PLCL1: variants seen among roughly 807,000 people sequenced by gnomAD.
The protein encoded by PLCL1 is phospholipase C like 1 (inactive), also known as inactive phospholipase C-like protein 1.
A neutral mutation model predicts 84.4 loss-of-function variants in PLCL1; 41 were observed. The ratio of observed to expected loss-of-function variants is 0.49; its 90% CI spans 0.38 to 0.63. The LOEUF is 0.63. Ranked by LOEUF, PLCL1 falls within the 30% of genes least tolerant of loss-of-function variation. The pLI is 0.00. For missense variants in PLCL1, 1,206 were observed against 1,367.8 expected (o/e 0.88, Z 1.87); for synonymous variants, 490 against 488.3 (o/e 1.00, Z -0.05).
chr2:198,005,239 C>T (rs191916300), intron 1 of PLCL1, among the ~76,000 whole-genome samples: 57 of 152,354 alleles, frequency 3.7e-4, no homozygotes, highest in African/African-American at 1.2e-3. Context: ...GTGAGATATA[C>T]GCTTTATCTC....
At chr2:197,978,951 T>C (rs1246358633) in intron 1 of PLCL1, among the ~76,000 whole-genome samples, 1 of 152,220 alleles carries the variant, frequency 6.6e-6, no homozygotes, top group East Asian at 1.9e-4. Flanking sequence ...GGAATCGGTT[T>C]TTGTTCTCAT....
At chr2:197,991,180 A>G (rs1674408914) in intron 1 of PLCL1, among the ~76,000 whole-genome samples, 2 of 151,758 alleles carry the variant, frequency 1.3e-5, no homozygotes, top group South Asian at 2.1e-4. Flanking sequence ...GGAAAGAGAA[A>G]CTCACCCTTT....
chr2:197,844,557 G>A (rs748048562), intron 1 of PLCL1, among the ~76,000 whole-genome samples: 1 of 152,036 alleles, frequency 6.6e-6, no homozygotes, highest in African/African-American at 2.4e-5. Flanking sequence ...GAGAAACTGA[G>A]TATAAAATGT....
intron 1 of PLCL1, among the ~76,000 whole-genome samples, chr2:197,831,584 C>A (rs1443151208): frequency 1.3e-5 from 2 of 152,132 alleles, no homozygotes. Context: ...GACTTTAACA[C>A]CCCACTGTCC....
At chr2:198,039,910 T>A (rs1027778475) in intron 1 of PLCL1, among the ~76,000 whole-genome samples, 5 of 152,136 alleles carry the variant, frequency 3.3e-5, no homozygotes, top group Non-Finnish European at 7.3e-5. Flanking sequence ...AAAAGATAAT[T>A]GAAATGGAGA....
At chr2:198,138,303 A>G (rs1694305602) in intron 5 of PLCL1, among the ~76,000 whole-genome samples, 1 of 152,176 alleles carries the variant, frequency 6.6e-6, no homozygotes, top group Admixed American at 6.5e-5. Context: ...TGGTGGCAGG[A>G]AAGAGAAACA....
At chr2:197,816,078 T>C (rs1690680905) in intron 1 of PLCL1, among the ~76,000 whole-genome samples, 1 of 152,150 alleles carries the variant, frequency 6.6e-6, no homozygotes, top group African/African-American at 2.4e-5. Context: ...TCAAACAGCA[T>C]TGTATGCTAC....
chr2:197,874,727 A>G (rs35080174), intron 1 of PLCL1, among the ~76,000 whole-genome samples: 3,582 of 152,132 alleles, frequency 0.024, 82 homozygotes, highest in Non-Finnish European at 0.03. Flanking sequence ...TTCAATTTGC[A>G]TATGGTACAC....
chr2:197,882,991 G>A (rs1477724562), intron 1 of PLCL1, among the ~76,000 whole-genome samples: 1 of 152,110 alleles, frequency 6.6e-6, no homozygotes, highest in Non-Finnish European at 1.5e-5. Context: ...TTCAAAAACA[G>A]GTGAAATCAA....
At chr2:197,918,052 C>T (rs1688629539) in intron 1 of PLCL1, among the ~76,000 whole-genome samples, 1 of 152,142 alleles carries the variant, frequency 6.6e-6, no homozygotes, top group Admixed American at 6.5e-5. Context: ...CAAAAACTAG[C>T]CAGGTGAGCA....
chr2:197,867,534 A>C (rs1687573195), intron 1 of PLCL1, among the ~76,000 whole-genome samples: 1 of 152,126 alleles, frequency 6.6e-6, no homozygotes, highest in Non-Finnish European at 1.5e-5. Context: ...ATATTGATGA[A>C]ATAGACATAG....
intron 1 of PLCL1, among the ~76,000 whole-genome samples, chr2:197,957,999 T>C (rs1689525593): frequency 6.6e-6 from 1 of 152,148 alleles, no homozygotes; most frequent in Admixed American, 6.6e-5. Context: ...AGTTTATTTC[T>C]GGTTCTAAAT....
intron 1 of PLCL1, among the ~76,000 whole-genome samples, chr2:197,860,403 T>G (rs948366018): frequency 6.6e-6 from 1 of 152,188 alleles, no homozygotes; most frequent in Non-Finnish European, 1.5e-5. Flanking sequence ...AGTAATGGGA[T>G]TGGTGGGTCA....
intron 1 of PLCL1, among the ~76,000 whole-genome samples, chr2:197,927,215 G>A (rs1309399739): frequency 6.6e-6 from 1 of 152,176 alleles, no homozygotes; most frequent in African/African-American, 2.4e-5. Flanking sequence ...TATTGTCAGA[G>A]GGGTGTTAAA....
chr2:197,862,231 C>A (rs1189566157), intron 1 of PLCL1, among the ~76,000 whole-genome samples: 2 of 152,164 alleles, frequency 1.3e-5, no homozygotes, highest in African/African-American at 4.8e-5. Context: ...ATCTGCACTG[C>A]ATCTAAAAAC....
In PLCL1 at chr2:198,143,368, G is replaced by A. The variant is rs113548613; in HGVS notation, c.3106-3412G>A. The stretch of plus-strand genomic sequence containing the variant: ...TAATGCTCACTCACCCACTGCTCAC[G>A]TCCTGCTGTGCAGCCTGGTTTCTCA... On this transcript the variant is annotated intron_variant, in intron 5 of 5. Coordinates refer to ENST00000428675, the MANE Select transcript of PLCL1 (RefSeq NM_006226.4). 7.8e-3 allele frequency among the ~76,000 whole-genome samples: 1,192 copies of A among 152,262 alleles called. 13 individuals carry two copies. The highest frequency in any genetic ancestry group is 0.026 in the African/African-American group (1,091 of 41,544).
chr2:198,095,829 C>T (rs1384020371), intron 3 of PLCL1, among the ~76,000 whole-genome samples: 8 of 152,174 alleles, frequency 5.3e-5, no homozygotes, highest in African/African-American at 1.9e-4. Context: ...TAATGTTTTA[C>T]TCTAGTCACA....
intron 3 of PLCL1, among the ~76,000 whole-genome samples, chr2:198,094,623 C>A (rs555646894): frequency 6.6e-6 from 1 of 152,200 alleles, no homozygotes; most frequent in East Asian, 1.9e-4. Flanking sequence ...TTTTAAAATG[C>A]AGCAACATCC....
At chr2:197,959,913 T>C (rs184675659) in intron 1 of PLCL1, among the ~76,000 whole-genome samples, 22 of 152,160 alleles carry the variant, frequency 1.4e-4, no homozygotes, top group African/African-American at 4.6e-4. Context: ...AGAGCTCTTG[T>C]AGGCGTTTAA....
Sources: gnomAD v4.1 joint callset for allele counts (sites outside exome capture counted in the v4.1 genomes callset) on GRCh38, gnomAD v4.1.1 for gene constraint, MANE v1.5 for transcripts, NCBI Gene and HGNC (gene_info 2026-07-23, HGNC 2026-07-21) for gene names.